STAT6: variants seen among roughly 807,000 people sequenced by gnomAD.
STAT6 encodes the protein signal transducer and activator of transcription 6.
In STAT6, 45 loss-of-function variants were observed where a neutral mutation model predicts 106.3. That is an observed-to-expected ratio of 0.42 (90% CI 0.33 to 0.54). STAT6 has a LOEUF of 0.54. Ranked by LOEUF, STAT6 falls within the 20% of genes least tolerant of loss-of-function variation. STAT6 has a pLI of 0.06. For synonymous variants in STAT6, 413 were observed against 413.6 expected (o/e 1.00, Z 0.02); for missense variants, 797 against 1,062.2 (o/e 0.75, Z 3.47).
intron 13 of STAT6, among the ~76,000 whole-genome samples, chr12:57,100,392 A>G (rs191966754): frequency 1.3e-5 from 2 of 152,146 alleles, no homozygotes; most frequent in African/African-American, 2.4e-5. Context: ...CCAGGTCTAC[A>G]TAGCTGGTAA....
Position 57,102,388 on chromosome 12 carries a change from C to T in STAT6, c.1414G>A (p.Glu472Lys). The change falls in exon 13 of 22, where the codon GAG (glutamate) becomes AAG (lysine). Residue 472 changes from glutamate (E) to lysine (K), a missense_variant. By Grantham distance (56) the Glu-to-Lys change is moderately conservative. This residue lies in a region of STAT6 where 222 missense variants were observed against 354.6 expected (regional missense o/e 0.63). Transcript: ENST00000300134. ...EVGTNRGLLP[E>K]HFLFLAQKIF... ...TTCTGGGCCAGGAAGAGGAAGTGCT[C>T]TGGGAGCAGCCCCCGGTTGGTCCCC... 1.2e-6 allele frequency: 2 copies of T among 1,614,180 alleles called. No homozygotes were observed. Among genetic ancestry groups the T allele is most frequent in the Non-Finnish European group, 8.5e-7 (1 of 1,180,032 alleles).
At chr12:57,105,445 G>T in intron 8 of STAT6, 23 bp downstream of exon 8, 1 of 1,613,808 alleles carries the variant, frequency 6.2e-7, no homozygotes, top group East Asian at 2.2e-5. Context: ...TTCTAGGCCA[G>T]ACTGGGAGCT....
intron 1 of STAT6, among the ~76,000 whole-genome samples, chr12:57,109,785 A>AG (rs1279331790): frequency 4.6e-5 from 7 of 152,106 alleles, no homozygotes; most frequent in Admixed American, 3.9e-4. Flanking sequence ...AGGTTCAGGG[A>AG]GGACTGGGTA....
At chr12:57,101,277 C>T (rs1182721152) in intron 13 of STAT6, among the ~76,000 whole-genome samples, 4 of 151,722 alleles carry the variant, frequency 2.6e-5, no homozygotes, top group East Asian at 1.9e-4. Context: ...TTAGTAGAGA[C>T]GGGGTTTCAC....
intron 7 of STAT6, 75 bp downstream of exon 7, chr12:57,106,116 C>A: frequency 6.3e-7 from 1 of 1,591,728 alleles, no homozygotes; most frequent in Non-Finnish European, 8.6e-7. Context: ...TTCTTTCTCT[C>A]ACCTGTAGGG....
intron 11 of STAT6, chr12:57,104,187 G>A (rs56214329): frequency 0.043 from 18,128 of 426,202 alleles, 532 homozygotes; most frequent in Non-Finnish European, 0.052. Context: ...AAAACCAGAC[G>A]TGTGTGTGCT....
chr12:57,102,957 T>C, intron 11 of STAT6, 36 bp from the exon 12 acceptor site: 1 of 722,236 alleles, frequency 1.4e-6, no homozygotes, highest in South Asian at 2.1e-5. Flanking sequence ...CTTTTCTTTC[T>C]TTCTTTCCTT....
intron 11 of STAT6, 23 bp from the exon 12 acceptor site, chr12:57,102,944 TTTCTTTTCTTTCTTTCTTTCC>T (rs1350090209): frequency 1.9e-6 from 2 of 1,047,502 alleles, no homozygotes; most frequent in East Asian, 3.1e-5. Context: ...AGGACAGGGG[TTTCTTTTCTTTCTTTCTTTCC>T]TTTTTTTTTT....
intron 7 of STAT6, 59 bp from the exon 8 acceptor site, chr12:57,105,658 C>G: frequency 1.3e-6 from 2 of 1,574,248 alleles, no homozygotes; most frequent in South Asian, 1.1e-5. Flanking sequence ...CCGGCCCAGA[C>G]CCCCTTCCCC....
rs1478597227 is a variant in STAT6, at chr12:57,107,673, G to T, written c.187C>A (p.His63Asn). Residue 63 changes from histidine to asparagine, a missense_variant, in exon 3 of 22, where the codon CAC becomes AAC. His to Asn is a moderately conservative substitution (Grantham distance 68). Around this residue, in one of 4 missense-constraint regions of STAT6, gnomAD observed 336 missense variants for 429.8 expected, o/e 0.78. Coordinates refer to ENST00000300134, the MANE Select transcript of STAT6 (RefSeq NM_003153.5). ...ASALLSDTVQ[H>N]LQASVGEQGE... ...TGCTCTCCCACCGAGGCCTGAAGGT[G>T]CTGGACAGTGTCTGAAAGTAGGGCA... is the stretch of plus-strand genomic sequence containing the variant. 5.0e-6 allele frequency: 8 copies of T among 1,613,948 alleles called. No individual in the cohort carries two copies. Among genetic ancestry groups the T allele is most frequent in the Non-Finnish European group, 5.9e-6 (7 of 1,180,020 alleles).
Position 57,099,102 on chromosome 12 carries a change from C to T in STAT6, c.1892-24G>A, listed in dbSNP as rs1279090566. On this transcript the variant is annotated intron_variant, in intron 16 of 21. Coordinates refer to ENST00000300134, the MANE Select transcript of STAT6 (RefSeq NM_003153.5). This position sits in a 1 kb window ranked among gnomAD's most constrained non-coding sequence, Gnocchi z 4.7. ...AGCTGTTGTGAGAAGGAAAAGACAG[C>T]CATGGAGTGCTCTGGGGTTAGGGAG... 4 of 1,613,846 alleles carry T rather than the reference C, an allele frequency of 2.5e-6. No individual in the cohort carries two copies. In the Admixed American group the frequency reaches 6.7e-5, roughly 27 times the overall value.
In STAT6 at chr12:57,106,062, G is replaced by A. The variant is rs1024019930; in HGVS notation, c.680+129C>T. The A allele has an allele frequency of 4.1e-6, 6 of 1,475,716 alleles. No homozygotes were observed. In the African/African-American group the frequency reaches 7.0e-5, roughly 17 times the overall value. The allele number at this position is 1,475,716 out of a possible 1,614,324, so 91.4% of individuals were successfully genotyped here. ...CAGTGTGCACAGCCCCGCTGGAACTGGCTTTTATGCATCTTGGTCCACTCC... is the reference window on the plus strand; with the variant it reads ...CAGTGTGCACAGCCCCGCTGGAACTAGCTTTTATGCATCTTGGTCCACTCC... On this transcript the variant is annotated intron_variant, in intron 7 of 21. Coordinates refer to ENST00000300134, the MANE Select transcript of STAT6 (RefSeq NM_003153.5).
At chr12:57,100,120 G>T in intron 13 of STAT6, 30 bp from the exon 14 acceptor site, 1 of 1,558,416 alleles carries the variant, frequency 6.4e-7, no homozygotes, top group Non-Finnish European at 8.7e-7. Flanking sequence ...GGTGTGAGCC[G>T]AGGGAGGGCC....
chr12:57,098,528 G>A lies in STAT6; in HGVS notation c.2136C>T (p.Val712=). ...ACTCCTGGAAGGCTGACAACACGTTGACTGATTCTTCTGGGGAGAGGCCTT... is the reference window on the plus strand; with the variant it reads ...ACTCCTGGAAGGCTGACAACACGTTAACTGATTCTTCTGGGGAGAGGCCTT... The part of the protein sequence containing the change: ...PYQGLSPEES[V]NVLSAFQEPH... The change falls in exon 19 of 22, where the codon GTC becomes GTT. Residue 712 remains valine (V), a synonymous_variant. Coordinates refer to ENST00000300134, the MANE Select transcript of STAT6 (RefSeq NM_003153.5). 6.2e-7 allele frequency: 1 copy of A among 1,614,198 alleles called. No homozygotes were observed. The highest frequency in any genetic ancestry group is 8.5e-7 in the Non-Finnish European group (1 of 1,180,044).
At chr12:57,098,456 G>T in intron 19 of STAT6, 49 bp downstream of exon 19, 1 of 1,563,750 alleles carries the variant, frequency 6.4e-7, no homozygotes, top group Non-Finnish European at 8.8e-7. Context: ...CAATTCAAAT[G>T]CCCACCCCCT....
chr12:57,107,769 C>T (rs371937378), intron 2 of STAT6, 26 bp from the exon 3 acceptor site: 3 of 1,613,180 alleles, frequency 1.9e-6, no homozygotes, highest in South Asian at 2.2e-5. Flanking sequence ...GATGAGGCTA[C>T]CTCAGGCCAG....
At position 57,099,133 on chromosome 12, in the gene STAT6, G is replaced by A. The variant is rs543700585; in HGVS notation, c.1892-55C>T. ...AGTGCTCTGGGGTTAGGGAGGAAGG[G>A]AGGTGGAAAAGGTGGGCATGGATCA... is the stretch of plus-strand genomic sequence containing the variant. On this transcript the variant is annotated intron_variant, in intron 16 of 21. Coordinates refer to ENST00000300134, the MANE Select transcript of STAT6 (RefSeq NM_003153.5). The surrounding 1 kb of genome is among the most constrained non-coding windows in gnomAD (Gnocchi z 4.7). The A allele has an allele frequency of 1.5e-4, 237 of 1,606,730 alleles. No homozygotes were observed. In the South Asian group the frequency reaches 2.5e-3, roughly 17 times the overall value.
At chr12:57,100,687 A>G (rs953148536) in intron 13 of STAT6, among the ~76,000 whole-genome samples, 10 of 56,322 alleles carry the variant, frequency 1.8e-4, no homozygotes, top group Admixed American at 3.9e-4. Flanking sequence ...AAAGAAAGAA[A>G]GAAAGAAAGA....
At chr12:57,109,277 T>G (rs1347747400) in intron 1 of STAT6, among the ~76,000 whole-genome samples, 1 of 151,504 alleles carries the variant, frequency 6.6e-6, no homozygotes, top group Non-Finnish European at 1.5e-5. Flanking sequence ...GATGGGAGAG[T>G]AATAACAGCT....
Sources: gnomAD v4.1 joint callset for allele counts (sites outside exome capture counted in the v4.1 genomes callset) on GRCh38, gnomAD v4.1.1 for gene constraint, gnomAD v4.1.1 regional missense constraint, Gnocchi (gnomAD v3.1) non-coding constraint, MANE v1.5 for transcripts, NCBI Gene and HGNC (gene_info 2026-07-23, HGNC 2026-07-21) for gene names.